Variants in SVIL observed in about 807,000 individuals in gnomAD.
SVIL encodes supervillin, also known as archvillin.
A neutral mutation model predicts 240.4 loss-of-function variants in SVIL; 101 were observed. The observed-to-expected ratio is 0.42, with a 90% CI of 0.36 to 0.50. The LOEUF (loss-of-function observed/expected upper bound fraction) is 0.50, where lower values mean the gene tolerates loss of function less well. SVIL is among the 20% of genes least tolerant of loss of function. The pLI, the probability that SVIL is intolerant of heterozygous loss-of-function variation, is 0.01. For missense variants in SVIL, 2,512 were observed against 2,818.7 expected (o/e 0.89, Z 2.46); for synonymous variants, 999 against 1,100.0 (o/e 0.91, Z 1.82).
At chr10:29,694,523 G>A (rs571473124) in intron 1 of SVIL, among the ~76,000 whole-genome samples, 5 of 152,102 alleles carry the variant, frequency 3.3e-5, no homozygotes, top group African/African-American at 1.2e-4. Flanking sequence ...TCAGTGGCAT[G>A]ATCTCGGCTC....
rs73596067 is a variant in SVIL at position 29,652,049 on chromosome 10, G to C, written c.-201+5920C>G. On this transcript the variant is annotated intron_variant, in intron 3 of 35. Coordinates refer to the SVIL transcript ENST00000375400. Reference sequence around the variant, plus strand: ...CACACACACACACACCAGGCTTACTGATATAAAATTCACATACCATACAAT... The same window carrying C: ...CACACACACACACACCAGGCTTACTCATATAAAATTCACATACCATACAAT... 3.8e-3 allele frequency among the ~76,000 whole-genome samples: 574 copies of C among 151,972 alleles called. 4 individuals are homozygous for C. Among genetic ancestry groups the C allele is most frequent in the African/African-American group, 0.013 (549 of 41,468 alleles).
chr10:29,623,652 C>T (rs536004088), intron 1 of SVIL, among the ~76,000 whole-genome samples: 1 of 152,304 alleles, frequency 6.6e-6, no homozygotes, highest in East Asian at 1.9e-4. Context: ...AGATTGAGAC[C>T]ATCCTGGCTA....
intron 1 of SVIL, among the ~76,000 whole-genome samples, chr10:29,699,527 C>T (rs986490392): frequency 6.6e-6 from 1 of 152,194 alleles, no homozygotes; most frequent in Non-Finnish European, 1.5e-5. Flanking sequence ...TGGTCTTCAA[C>T]TCCTGACCTC....
Position 29,488,717 on chromosome 10 carries a change from C to T in SVIL, c.4232G>A (p.Gly1411Asp). The change falls in exon 23 of 38, where the codon GGT becomes GAT. Residue 1411 changes from glycine to aspartate, a missense_variant. Physicochemically the swap from Gly to Asp is moderately conservative, Grantham distance 94. Around this residue, in one of 3 missense-constraint regions of SVIL, gnomAD observed 272 missense variants for 406.8 expected, o/e 0.67. Coordinates refer to ENST00000355867, the MANE Select transcript of SVIL (RefSeq NM_021738.3). The part of the protein sequence containing the change: ...NSNFSEVTLA[G>D]LASKENFSNV... ...GCTGAAGTTTTCTTTACTGGCTAAACCCGCCAGGGTGACTTCTGAGAAGTT... is the reference window on the plus strand; with the variant it reads ...GCTGAAGTTTTCTTTACTGGCTAAATCCGCCAGGGTGACTTCTGAGAAGTT... 6.2e-7 allele frequency: 1 copy of T among 1,612,882 alleles called. No individual in the cohort carries two copies. The highest frequency in any genetic ancestry group is 1.3e-5 in the African/African-American group (1 of 75,002).
At chr10:29,564,390 G>C (rs944919689) in intron 2 of SVIL, among the ~76,000 whole-genome samples, 3 of 152,202 alleles carry the variant, frequency 2.0e-5, no homozygotes, top group African/African-American at 2.4e-5. Flanking sequence ...TGTGGTCGGA[G>C]CGGGCAGGGC....
chr10:29,465,876 C>T (rs1944851028), intron 33 of SVIL, 126 bp from the exon 34 acceptor site: 1 of 1,257,412 alleles, frequency 8.0e-7, no homozygotes, highest in African/African-American at 1.5e-5. Context: ...TTTATCTGAG[C>T]TTCAAGGTGG....
At chr10:29,713,262 C>CTGTGTGTG (rs10647219) in intron 1 of SVIL, among the ~76,000 whole-genome samples, 49 of 148,572 alleles carry the variant, frequency 3.3e-4, no homozygotes, top group African/African-American at 4.9e-4. Flanking sequence ...GTACATGCCT[C>CTGTGTGTG]TGTGTGTGTG....
At chr10:29,666,560 G>T (rs1424231647) in intron 2 of SVIL, among the ~76,000 whole-genome samples, 2 of 152,150 alleles carry the variant, frequency 1.3e-5, no homozygotes, top group Non-Finnish European at 2.9e-5. Flanking sequence ...TTACGCCAAG[G>T]TCTCACTAAG....
intron 1 of SVIL, among the ~76,000 whole-genome samples, chr10:29,632,045 C>G (rs981444357): frequency 6.6e-6 from 1 of 152,190 alleles, no homozygotes; most frequent in African/African-American, 2.4e-5. Context: ...TCCAAGGCTG[C>G]CTTTGTACCC....
intron 1 of SVIL, among the ~76,000 whole-genome samples, chr10:29,594,448 T>C (rs1328506125): frequency 6.6e-6 from 1 of 152,082 alleles, no homozygotes; most frequent in East Asian, 1.9e-4. Flanking sequence ...TGTAGGCTCA[T>C]CAATTGTAGC....
At chr10:29,509,319 AGGAGGGGGAG>A (rs879354665) in intron 17 of SVIL, among the ~76,000 whole-genome samples, 1,688 of 75,828 alleles carry the variant, frequency 0.022, 31 homozygotes, top group South Asian at 0.034. Flanking sequence ...GAAAGGGAGA[AGGAGGGGGAG>A]GGAGAGAGAG....
intron 1 of SVIL, among the ~76,000 whole-genome samples, chr10:29,722,933 C>T (rs919672643): frequency 1.3e-5 from 2 of 152,186 alleles, no homozygotes; most frequent in African/African-American, 4.8e-5. Context: ...ATGACTCTGG[C>T]CAATCATTTT....
At chr10:29,459,451 C>T (rs1490147686) in intron 36 of SVIL, among the ~76,000 whole-genome samples, 1 of 152,124 alleles carries the variant, frequency 6.6e-6, no homozygotes, top group African/African-American at 2.4e-5. Context: ...GATTTGAAGT[C>T]TAAACACCAG....
intron 1 of SVIL, among the ~76,000 whole-genome samples, chr10:29,716,857 A>T (rs1355705888): frequency 6.6e-6 from 1 of 152,230 alleles, no homozygotes; most frequent in African/African-American, 2.4e-5. Context: ...TTTTACAAAC[A>T]TTCACTGTAC....
intron 1 of SVIL, among the ~76,000 whole-genome samples, chr10:29,599,408 CTT>C (rs1409842219): frequency 6.7e-6 from 1 of 150,072 alleles, no homozygotes; most frequent in Non-Finnish European, 1.5e-5. Context: ...TCAGTCTTGC[CTT>C]TTTGTTTTAA....
intron 1 of SVIL, among the ~76,000 whole-genome samples, chr10:29,592,604 G>A (rs770319668): frequency 7.2e-5 from 11 of 152,208 alleles, no homozygotes; most frequent in Non-Finnish European, 1.5e-4. Context: ...TGACAGTTAC[G>A]TAGGAAGGGG....
intron 3 of SVIL, among the ~76,000 whole-genome samples, chr10:29,645,923 C>G (rs1475607435): frequency 6.6e-6 from 1 of 152,212 alleles, no homozygotes; most frequent in Non-Finnish European, 1.5e-5. Context: ...AATACGTTTT[C>G]AAACAACTAT....
In SVIL at chr10:29,560,386, T is replaced by C. The variant is rs556753576; in HGVS notation, c.-51+2815A>G. 2.6e-5 allele frequency among the ~76,000 whole-genome samples: 4 copies of C among 152,366 alleles called. No individual in the cohort carries two copies. The East Asian group carries it at 7.7e-4, about 29-fold the overall frequency. On this transcript the variant is annotated intron_variant, in intron 3 of 37. Transcript: ENST00000355867. ...AATGATAGGATTGCATGGATGTGTG[T>C]TGTATCTTAATAAACCTGCTAAAGA... is the stretch of plus-strand genomic sequence containing the variant.
chr10:29,463,750 A>G (rs1365538947), intron 34 of SVIL, 115 bp from the exon 35 acceptor site: 5 of 1,436,712 alleles, frequency 3.5e-6, no homozygotes, highest in East Asian at 2.4e-5. Flanking sequence ...TCACAGGGGG[A>G]AACCCCCTTG....
Sources: gnomAD v4.1 joint callset for allele counts (sites outside exome capture counted in the v4.1 genomes callset) on GRCh38, gnomAD v4.1.1 for gene constraint, gnomAD v4.1.1 regional missense constraint, MANE v1.5 for transcripts, NCBI Gene and HGNC (gene_info 2026-07-23, HGNC 2026-07-21) for gene names.